The following CNTROB variants were observed in gnomAD, a reference collection of about 807,000 sequenced individuals.
CNTROB encodes centrobin.
A neutral mutation model predicts 115.7 loss-of-function variants in CNTROB; 82 were observed. That is an observed-to-expected ratio of 0.71 (90% CI 0.59 to 0.85). The LOEUF is 0.85. Ranked by LOEUF, CNTROB falls within the 40% of genes least tolerant of loss-of-function variation. The pLI is 0.00. For synonymous variants in CNTROB, 439 were observed against 456.4 expected, an observed-to-expected ratio of 0.96 and a Z score of 0.49; for missense variants, 1,014 against 1,144.4, an observed-to-expected ratio of 0.89 and a Z score of 1.64.
At chr17:7,940,067 T>G (rs1973671890) in intron 8 of CNTROB, 29 bp from the exon 9 acceptor site, 1 of 1,561,772 alleles carries the variant, frequency 6.4e-7, no homozygotes, top group Admixed American at 2.0e-5. Context: ...AAATGAGGTA[T>G]GTATATACAT....
In CNTROB at chr17:7,944,480, GC is replaced by G. The variant is rs1232518679; in HGVS notation, c.1579del (p.Arg527GlyfsTer83). 6.2e-7 allele frequency: 1 copy of G among 1,613,620 alleles called. No homozygotes were observed. Among genetic ancestry groups the G allele is most frequent in the South Asian group, 1.1e-5 (1 of 91,002 alleles). ...QVAEDYELRLAREQARVCELQ... is the reference protein window; with the variant it reads ...QVAEDYELRLXREQARVCELQ... The stretch of plus-strand genomic sequence containing the variant: ...CTTCTTCTCTCTTTGCTTCAGACTG[GC>G]CCGGGAGCAAGCGCGAGTGTGCGAA... On this transcript the variant is annotated frameshift_variant, in exon 12 of 19. Transcript: ENST00000563694. LOFTEE classifies it high-confidence loss of function. This position sits in a 1 kb window ranked among gnomAD's most constrained non-coding sequence, Gnocchi z 4.0.
At chr17:7,936,535 TAATAAATA>T in intron 5 of CNTROB, 53 bp downstream of exon 5, 1 of 827,106 alleles carries the variant, frequency 1.2e-6, no homozygotes, top group South Asian at 1.3e-5. Context: ...CATTAAGGAA[TAATAAATA>T]AGTGGGTGGC....
rs1199850775 is a variant in CNTROB at position 7,934,632 on chromosome 17, T to C, written c.437+86T>C. 4.1e-6 allele frequency: 5 copies of C among 1,215,988 alleles called. No individual in the cohort carries two copies. The East Asian group carries it at 9.3e-5, about 23-fold the overall frequency. The allele number at this position is 1,215,988 out of a possible 1,614,324, so 75.3% of individuals were successfully genotyped here. A position where few individuals can be genotyped will look rare whatever the true frequency, so the allele number is the denominator to read the frequency against. ...TCCTTATTTCTCCCTTTATTGCTTT[T>C]GTACCTCTTAAGAACCCAAGAGGCT... On this transcript the variant is annotated intron_variant, in intron 3 of 18. Coordinates refer to ENST00000563694, the MANE Select transcript of CNTROB (RefSeq NM_053051.5).
chr17:7,932,165 G>C (rs1223313762), upstream of CNTROB: 9 of 327,346 alleles, frequency 2.7e-5, no homozygotes, highest in African/African-American at 1.9e-4. Context: ...GTGGTCTCGC[G>C]GGCGGGTGAC....
intron 7 of CNTROB, among the ~76,000 whole-genome samples, chr17:7,938,388 A>G (rs773068366): frequency 7.3e-5 from 11 of 151,720 alleles, no homozygotes; most frequent in African/African-American, 9.7e-5. Context: ...TGTTGCATGC[A>G]TAATGCATGC....
chr17:7,949,106 T>G lies in CNTROB; in HGVS notation c.2535T>G (p.Asn845Lys), dbSNP rs778288327. ...EHSGTDGRGDNVPRRNTDSRL... is the reference protein window; with the variant it reads ...EHSGTDGRGDKVPRRNTDSRL... ...GCAGGACTGATGGCCGAGGGGATAA[T>G]GTCCCCAGAAGGAACACAGACTCCC... Residue 845 changes from asparagine to lysine, a missense_variant, in exon 18 of 19, where the codon AAT (asparagine) becomes AAG (lysine). Transcript: ENST00000563694. 4 of 1,614,014 alleles carry G rather than the reference T, an allele frequency of 2.5e-6. No homozygotes were observed. The highest frequency in any genetic ancestry group is 3.4e-6 in the Non-Finnish European group (4 of 1,180,030).
At chr17:7,936,899 G>A in intron 6 of CNTROB, 82 bp downstream of exon 6, 1 of 806,936 alleles carries the variant, frequency 1.2e-6, no homozygotes, top group Non-Finnish European at 2.2e-6. Flanking sequence ...TCTGGAATTA[G>A]GGTTTCCAAC....
intron 4 of CNTROB, chr17:7,935,922 A>G (rs1171972971): frequency 6.0e-6 from 1 of 166,708 alleles, no homozygotes; most frequent in Admixed American, 5.6e-5. Context: ...AGTCAAAATC[A>G]CTGGTTGCCA....
chr17:7,948,417 G>A lies in CNTROB; in HGVS notation c.2381-70G>A. 6.2e-7 allele frequency: 1 copy of A among 1,609,034 alleles called. No individual in the cohort carries two copies. The highest frequency in any genetic ancestry group is 1.7e-5 in the Admixed American group (1 of 59,940). On this transcript the variant is annotated intron_variant, in intron 16 of 18. Transcript: ENST00000563694. This position sits in a 1 kb window ranked among gnomAD's most constrained non-coding sequence, Gnocchi z 4.4. ...GCACTTACAGTCCTTCTGAATTCCT[G>A]GGGAAATGGGCTGAGGGCTGGGGAG...
In CNTROB at chr17:7,936,375, C is replaced by A; in HGVS notation, c.604C>A (p.Arg202Ser). 1 of 1,420,318 alleles carries A rather than the reference C, an allele frequency of 7.0e-7. No homozygotes were observed. The highest frequency in any genetic ancestry group is 1.0e-6 in the Non-Finnish European group (1 of 1,003,494). 88.0% of individuals were successfully genotyped at this position (1,420,318 alleles called of 1,614,324 possible). The change falls in exon 5 of 19, where the codon CGC (arginine) becomes AGC (serine). Residue 202 changes from arginine (R) to serine (S), a missense_variant. Physicochemically the swap from Arg to Ser is moderately radical, Grantham distance 110 (BLOSUM62 -1). Coordinates refer to ENST00000563694, the MANE Select transcript of CNTROB (RefSeq NM_053051.5). ...TCACCCTTTTCCCCAGCATTGTGAGCGCCATATTCAGAGCCTGCAGACCCG... is the reference window on the plus strand; with the variant it reads ...TCACCCTTTTCCCCAGCATTGTGAGAGCCATATTCAGAGCCTGCAGACCCG... ...SEHTRRKHCE[R>S]HIQSLQTRVL... is the part of the protein sequence containing the mutation.
rs1567940659 is a variant in CNTROB, at chr17:7,948,523, A to C, written c.2417A>C (p.Glu806Ala). Residue 806 changes from glutamate to alanine, a missense_variant, in exon 17 of 19, where the codon GAG (glutamate) becomes GCG (alanine). Transcript: ENST00000563694. This position sits in a 1 kb window ranked among gnomAD's most constrained non-coding sequence, Gnocchi z 4.4. ...DGLTFPRQLM[E>A]VSQLLRLYQA... The stretch of plus-strand genomic sequence containing the variant: ...CTTACATTCCCAAGGCAGCTGATGG[A>C]GGTGTCTCAACTGTTGCGACTCTAC... 1.2e-6 allele frequency: 2 copies of C among 1,613,942 alleles called. No individual in the cohort carries two copies. Among genetic ancestry groups the C allele is most frequent in the Non-Finnish European group, 1.7e-6 (2 of 1,179,970 alleles).
intron 13 of CNTROB, among the ~76,000 whole-genome samples, chr17:7,947,163 A>G (rs1022800651): frequency 8.3e-6 from 1 of 120,142 alleles, no homozygotes; most frequent in Non-Finnish European, 1.7e-5. Flanking sequence ...TCCATCTCAA[A>G]AAAAAAAAAA....
chr17:7,949,491 G>C lies in CNTROB; in HGVS notation c.2693G>C (p.Arg898Pro), dbSNP rs754474845. The change falls in exon 19 of 19, where the codon CGG becomes CCG. Residue 898 changes from arginine to proline, a missense_variant. Transcript: ENST00000563694. Reference protein sequence around the residue: ...GHPAPSSMRSRGGVWR With the variant: ...GHPAPSSMRSPGGVWR ...CCTGCCCCGAGTAGCATGAGGAGCC[G>C]GGGGGGAGTCTGGAGATGAGCCCCC... The C allele has an allele frequency of 1.2e-5, 20 of 1,608,302 alleles. No individual in the cohort carries two copies. The highest frequency in any genetic ancestry group is 2.2e-5 in the East Asian group (1 of 44,714).
Position 7,948,561 on chromosome 17 carries a change from T to G in CNTROB, c.2455T>G (p.Trp819Gly). The change falls in exon 17 of 19, where the codon TGG becomes GGG. Residue 819 changes from tryptophan (W) to glycine (G), a missense_variant. Coordinates refer to ENST00000563694, the MANE Select transcript of CNTROB (RefSeq NM_053051.5). This position sits in a 1 kb window ranked among gnomAD's most constrained non-coding sequence, Gnocchi z 4.4. ...QLLRLYQARG[W>G]GALPAEDLLL... is the part of the protein sequence containing the mutation. ...GTTGCGACTCTACCAGGCTCGGGGCTGGGGGGCTCTGCCTGCTGAGGATCT... is the reference window on the plus strand; with the variant it reads ...GTTGCGACTCTACCAGGCTCGGGGCGGGGGGGCTCTGCCTGCTGAGGATCT... The G allele has an allele frequency of 1.2e-6, 2 of 1,614,060 alleles. No individual in the cohort carries two copies. The highest frequency in any genetic ancestry group is 1.7e-6 in the Non-Finnish European group (2 of 1,180,008).
At chr17:7,934,609 C>T in intron 3 of CNTROB, 63 bp downstream of exon 3, 1 of 1,393,960 alleles carries the variant, frequency 7.2e-7, no homozygotes, top group South Asian at 1.2e-5. Context: ...TGTTTTGTTC[C>T]TTATTTCTCC....
chr17:7,937,631 G>A lies in CNTROB; in HGVS notation c.927+369G>A, dbSNP rs531284314. On this transcript the variant is annotated intron_variant, in intron 7 of 18. Transcript: ENST00000563694. ...AGCCTGGCCAGCATGGTGAAACCCC[G>A]TCTCTACTAAAAATACAAAAAACTA... 2.2e-4 allele frequency among the ~76,000 whole-genome samples: 34 copies of A among 151,970 alleles called. 1 individual carries two copies. In the South Asian group the frequency reaches 6.2e-3, roughly 28 times the overall value.
Position 7,944,383 on chromosome 17 carries a change from T to A in CNTROB, c.1572-93T>A. ...ATGGGCCCCAGCTCCTTTCAGAATA[T>A]CAGATGTCCAACATTTCCCTTCTGG... On this transcript the variant is annotated intron_variant, in intron 11 of 18. Transcript: ENST00000563694. This position sits in a 1 kb window ranked among gnomAD's most constrained non-coding sequence, Gnocchi z 4.0. The A allele has an allele frequency of 6.4e-7, 1 of 1,571,450 alleles. No individual in the cohort carries two copies. The highest frequency in any genetic ancestry group is 8.7e-7 in the Non-Finnish European group (1 of 1,145,392).
Position 7,939,925 on chromosome 17 carries a change from T to C in CNTROB, c.1165-171T>C, listed in dbSNP as rs1973653380. On this transcript the variant is annotated intron_variant, in intron 8 of 18. Coordinates refer to ENST00000563694, the MANE Select transcript of CNTROB (RefSeq NM_053051.5). This position sits in a 1 kb window ranked among gnomAD's most constrained non-coding sequence, Gnocchi z 4.4. ...GGCCAGCAGGAAGGGCTGGGGGTAA[T>C]GAATACGTGAAAGGCCAAAGACTGA... 6.6e-6 allele frequency among the ~76,000 whole-genome samples: 1 copy of C among 151,858 alleles called. No individual in the cohort carries two copies. The highest frequency in any genetic ancestry group is 2.4e-5 in the African/African-American group (1 of 41,284).
upstream of CNTROB, chr17:7,932,110 C>A: frequency 2.0e-6 from 1 of 505,616 alleles, no homozygotes; most frequent in Non-Finnish European, 3.6e-6. Flanking sequence ...CGCGCACGCG[C>A]GGCCAGGCGC....
Sources: gnomAD v4.1 joint callset for allele counts (sites outside exome capture counted in the v4.1 genomes callset) on GRCh38, gnomAD v4.1.1 for gene constraint, Gnocchi (gnomAD v3.1) non-coding constraint, MANE v1.5 for transcripts, NCBI Gene and HGNC (gene_info 2026-07-23, HGNC 2026-07-21) for gene names.